CHTF18: variants seen among roughly 807,000 people sequenced by gnomAD.
CHTF18 encodes chromosome transmission fidelity protein 18 homolog.
In CHTF18, 151 loss-of-function variants were observed where a neutral mutation model predicts 113.4. The observed-to-expected ratio is 1.33, with a 90% CI of 1.17 to 1.52. The LOEUF is 1.52. CHTF18 is among the 40% of genes most tolerant of loss of function. CHTF18 has a pLI of 0.00. For synonymous variants in CHTF18, 916 were observed against 598.8 expected, an observed-to-expected ratio of 1.53 and a Z score of -7.74; for missense variants, 1,982 against 1,381.6, an observed-to-expected ratio of 1.43 and a Z score of -6.89.
chr16:794,836 G>A (rs966798809), intron 15 of CHTF18: 3 of 445,838 alleles, frequency 6.7e-6, no homozygotes, highest in African/African-American at 2.0e-5. Flanking sequence ...GGTTCCTGGA[G>A]GCCTCCTGGT....
chr16:793,689 C>T (rs745311796), intron 14 of CHTF18: 141 of 591,220 alleles, frequency 2.4e-4, no homozygotes, highest in East Asian at 1.8e-3. Flanking sequence ...CCTGACGTGC[C>T]ATGGGACCCC....
In CHTF18 at chr16:792,545, A is replaced by AG. The variant is rs776734592; in HGVS notation, c.1440dup (p.Leu481AlafsTer12). ...GGAGGCGGCCGACGGCGCCGGGCAG[A>AG]GGGGGGGCTCCTCATGAGGCCCATT... On this transcript the variant is annotated frameshift_variant, in exon 11 of 22. Coordinates refer to ENST00000262315, the MANE Select transcript of CHTF18 (RefSeq NM_022092.3). LOFTEE classifies it high-confidence loss of function. 3.3e-5 allele frequency: 53 copies of AG among 1,596,272 alleles called. No homozygotes were observed. The highest frequency in any genetic ancestry group is 4.0e-5 in the Non-Finnish European group (47 of 1,175,060).
At chr16:797,212 G>T (rs2294449) in intron 20 of CHTF18, 120 bp downstream of exon 20, 245 of 1,232,374 alleles carry the variant, frequency 2.0e-4, no homozygotes, top group Non-Finnish European at 2.5e-4. Flanking sequence ...CTTTGTGGGT[G>T]TGGCTAGGGC....
chr16:794,149 A>C lies in CHTF18; in HGVS notation c.1898A>C (p.Tyr633Ser), dbSNP rs549204835. 6.8e-6 allele frequency: 11 copies of C among 1,612,354 alleles called. No individual in the cohort carries two copies. In the South Asian group the frequency reaches 9.9e-5, roughly 14 times the overall value. Residue 633 changes from tyrosine to serine, a missense_variant, in exon 15 of 22, where the codon TAC becomes TCC. Physicochemically the swap from Tyr to Ser is moderately radical, Grantham distance 144. Transcript: ENST00000262315. ...CTCACCTCCGCCTCACAGCGATTCT[A>C]CCGTGTCCTGCATGCCGCTGCCTCT... ...GSLTSASQRF[Y>S]RVLHAAASAG...
intron 7 of CHTF18, 188 bp downstream of exon 7, chr16:790,854 G>A (rs1339110505): frequency 1.4e-6 from 2 of 1,430,918 alleles, no homozygotes; most frequent in East Asian, 2.5e-5. Flanking sequence ...CCTGTGACCT[G>A]TGAGGCAGGC....
In CHTF18 at chr16:789,202, T is replaced by G; in HGVS notation, c.287-8T>G. 1 of 1,550,480 alleles carries G rather than the reference T, an allele frequency of 6.4e-7. No homozygotes were observed. On this transcript the variant is annotated splice_polypyrimidine_tract_variant and splice_region_variant and intron_variant, in intron 2 of 21. Transcript: ENST00000262315. Reference sequence around the variant, plus strand: ...AGGCCTCTGGTTCCCTGCATGTGTCTCCCCCAGCCCCCAGGATCAAACGGC... The same window carrying G: ...AGGCCTCTGGTTCCCTGCATGTGTCGCCCCCAGCCCCCAGGATCAAACGGC...
In CHTF18 at chr16:792,433, C is replaced by T. The variant is rs759284362; in HGVS notation, c.1327-6C>T. ...GGACTCACCGTGTCCTCTGACCTCC[C>T]CCAAGGCCGCCATCAACGTCCTCCT... On this transcript the variant is annotated splice_region_variant and splice_polypyrimidine_tract_variant and intron_variant, in intron 10 of 21. Transcript: ENST00000262315. 7.1e-6 allele frequency: 11 copies of T among 1,559,872 alleles called. No individual in the cohort carries two copies. In the African/African-American group the frequency reaches 8.2e-5, roughly 12 times the overall value.
rs1231048377 is a variant in CHTF18 at position 796,808 on chromosome 16, G to A, written c.2548G>A (p.Val850Met). 6 of 1,611,764 alleles carry A rather than the reference G, an allele frequency of 3.7e-6. No individual in the cohort carries two copies. The highest frequency in any genetic ancestry group is 3.3e-5 in the South Asian group (3 of 91,066). ...TKQLIAREIE[V>M]EKMRRAEASA... ...GCAGCTCATCGCCCGCGAGATCGAG[G>A]TGGAGAAGATGCGGCGGGCGGAGGC... is the stretch of plus-strand genomic sequence containing the variant. Residue 850 changes from valine to methionine, a missense_variant, in exon 19 of 22, where the codon GTG (valine) becomes ATG (methionine). Physicochemically the swap from Val to Met is conservative, Grantham distance 21 (BLOSUM62 1). Coordinates refer to ENST00000262315, the MANE Select transcript of CHTF18 (RefSeq NM_022092.3).
At chr16:793,715 G>C in intron 14 of CHTF18, 1 of 638,684 alleles carries the variant, frequency 1.6e-6, no homozygotes, top group Admixed American at 2.1e-5. Context: ...ATGCTGGCCT[G>C]GTCGTGCTGC....
At chr16:789,497 G>T (rs761939865) in intron 3 of CHTF18, 50 bp from the exon 4 acceptor site, 1 of 1,557,626 alleles carries the variant, frequency 6.4e-7, no homozygotes, top group East Asian at 2.3e-5. Flanking sequence ...CCATATCCAA[G>T]GGTGACCCCA....
At position 789,084 on chromosome 16, in the gene CHTF18, A is replaced by C. The variant is rs2277901; in HGVS notation, c.245A>C (p.Gln82Pro). Residue 82 changes from glutamine to proline, a missense_variant, in exon 2 of 22, where the codon CAG becomes CCG. Coordinates refer to ENST00000262315, the MANE Select transcript of CHTF18 (RefSeq NM_022092.3). Reference sequence around the variant, plus strand: ...AGCCAGGGCGGCGCCAGGAAGAGGCAGGTGGACGCCGACCTGCAGCCGGCC... The same window carrying C: ...AGCCAGGGCGGCGCCAGGAAGAGGCCGGTGGACGCCGACCTGCAGCCGGCC... ...GSSQGGARKR[Q>P]VDADLQPAGS... 0.17 allele frequency: 255,820 copies of C among 1,533,522 alleles called. 22,535 individuals carry two copies. The highest frequency in any genetic ancestry group is 0.26 in the East Asian group (10,546 of 40,516). The allele number at this position is 1,533,522 out of a possible 1,614,324, so 95.0% of individuals were successfully genotyped here. A position where few individuals can be genotyped will look rare whatever the true frequency, so the allele number is the denominator to read the frequency against.
chr16:790,621 G>A lies in CHTF18; in HGVS notation c.849G>A (p.Val283=), dbSNP rs2042170491. The change falls in exon 7 of 22, where the codon GTG becomes GTA. Residue 283 remains valine, a synonymous_variant. Coordinates refer to ENST00000262315, the MANE Select transcript of CHTF18 (RefSeq NM_022092.3). ...GQDASSHCLW[V]DEFAPRHYTE... ...ACGCCTCCAGTCACTGCCTCTGGGT[G>A]GATGAGTTTGCACCCCGCCACTACA... The A allele has an allele frequency of 6.3e-7, 1 of 1,591,156 alleles. No individual in the cohort carries two copies. The highest frequency in any genetic ancestry group is 8.5e-7 in the Non-Finnish European group (1 of 1,170,888).
intron 4 of CHTF18, 84 bp from the exon 5 acceptor site, chr16:790,093 C>A: frequency 6.5e-7 from 1 of 1,539,530 alleles, no homozygotes. Flanking sequence ...TTGTCCCACC[C>A]GGGTCCCTGA....
chr16:792,158 G>A lies in CHTF18; in HGVS notation c.1203-66G>A, dbSNP rs373750277. 1.7e-4 allele frequency: 258 copies of A among 1,530,796 alleles called. No individual in the cohort carries two copies. In the East Asian group the frequency reaches 4.6e-3, roughly 27 times the overall value. 94.8% of individuals were successfully genotyped at this position (1,530,796 alleles called of 1,614,324 possible). ...GTCTCCACGCAAATGCGGCAGCCCC[G>A]GCCTTGGGAGGCTGCCCTGCCAGGG... On this transcript the variant is annotated intron_variant, in intron 9 of 21. Transcript: ENST00000262315.
At position 790,678 on chromosome 16, in the gene CHTF18, T is replaced by C. The variant is rs1425967211; in HGVS notation, c.894+12T>C. The C allele has an allele frequency of 1.3e-6, 2 of 1,530,374 alleles. No individual in the cohort carries two copies. The highest frequency in any genetic ancestry group is 1.7e-6 in the Non-Finnish European group (2 of 1,147,500). 94.8% of individuals were successfully genotyped at this position (1,530,374 alleles called of 1,614,324 possible). ...TGCTCAGTGATGACGTGAGGTCTTG[T>C]TCTCACTCAAGTGTGGCTGGCTTCC... On this transcript the variant is annotated intron_variant, in intron 7 of 21. Transcript: ENST00000262315.
At chr16:792,904 C>T (rs970378101) in intron 12 of CHTF18, 62 bp from the exon 13 acceptor site, 4 of 1,533,326 alleles carry the variant, frequency 2.6e-6, no homozygotes, top group Non-Finnish European at 2.6e-6. Flanking sequence ...CCCATGGAAC[C>T]CTGGTAACCC....
intron 9 of CHTF18, 50 bp from the exon 10 acceptor site, chr16:792,174 C>T (rs1261773621): frequency 1.3e-6 from 2 of 1,539,886 alleles, no homozygotes; most frequent in South Asian, 1.2e-5. Flanking sequence ...GGGAGGCTGC[C>T]CTGCCAGGGA....
intron 18 of CHTF18, 130 bp downstream of exon 18, chr16:796,207 A>G: frequency 5.7e-6 from 7 of 1,236,758 alleles, no homozygotes; most frequent in Non-Finnish European, 6.6e-6. Context: ...GCCCCAGCTT[A>G]TCTTTTGCTC....
Position 796,716 on chromosome 16 carries a change from G to T in CHTF18, c.2457-1G>T, listed in dbSNP as rs1230112511. On this transcript the variant is annotated splice_acceptor_variant, in intron 18 of 21. Coordinates refer to ENST00000262315, the MANE Select transcript of CHTF18 (RefSeq NM_022092.3). LOFTEE classifies it high-confidence loss of function. ...CCCTGGTGTCCCCCTGTGCTGAGCA[G>T]GAACGTGGAGGAACTCTGCCGCTTC... 1.9e-6 allele frequency: 3 copies of T among 1,598,382 alleles called. No individual in the cohort carries two copies. Among genetic ancestry groups the T allele is most frequent in the Non-Finnish European group, 2.5e-6 (3 of 1,178,270 alleles).
Sources: gnomAD v4.1 joint callset for allele counts on GRCh38, gnomAD v4.1.1 for gene constraint, MANE v1.5 for transcripts, NCBI Gene and HGNC (gene_info 2026-07-23, HGNC 2026-07-21) for gene names.